Variants in GRAMD4 observed in about 807,000 individuals in gnomAD.
The protein encoded by GRAMD4 is GRAM domain-containing protein 4.
In GRAMD4, 25 loss-of-function variants were observed where a neutral mutation model predicts 83.9. That is an observed-to-expected ratio of 0.30 (90% CI 0.22 to 0.42). The LOEUF (loss-of-function observed/expected upper bound fraction) is 0.42, where lower values mean the gene tolerates loss of function less well. Among genes scored for constraint, GRAMD4 ranks in the 10% least tolerant of loss-of-function variants. The pLI is 1.00. For synonymous variants in GRAMD4, 336 were observed against 320.9 expected (o/e 1.05, Z -0.50); for missense variants, 593 against 788.7 (o/e 0.75, Z 2.97).
rs978266229 is a variant in GRAMD4 at position 46,622,780 on chromosome 22, C to T, written c.-50+2215C>T. ...TACAAAAAATTAGCTGGTGTGGTGGCGGGTGCCTGTAGTCCCAGCTACTCG... is the reference window on the plus strand; with the variant it reads ...TACAAAAAATTAGCTGGTGTGGTGGTGGGTGCCTGTAGTCCCAGCTACTCG... On this transcript the variant is annotated intron_variant, in intron 1 of 18. Coordinates refer to ENST00000406902, the MANE Select transcript of GRAMD4 (RefSeq NM_015124.5). The surrounding 1 kb of genome is among the most constrained non-coding windows in gnomAD (Gnocchi z 4.0). Among the ~76,000 whole-genome samples, 2 of 151,858 alleles carry T rather than the reference C, an allele frequency of 1.3e-5. No homozygotes were observed. Among genetic ancestry groups the T allele is most frequent in the Admixed American group, 6.6e-5 (1 of 15,230 alleles).
chr22:46,664,118 G>A lies in GRAMD4; in HGVS notation c.717+1G>A. 3 of 1,605,452 alleles carry A rather than the reference G, an allele frequency of 1.9e-6. No homozygotes were observed. The highest frequency in any genetic ancestry group is 2.6e-6 in the Non-Finnish European group (3 of 1,172,698). On this transcript the variant is annotated splice_donor_variant, in intron 8 of 18. Transcript: ENST00000406902. LOFTEE classifies it high-confidence loss of function. ...CTACACGTCTGCCATTGCCTTCACC[G>A]TGAGTGGGTCCTCCAGGGGCCGAGC... is the stretch of plus-strand genomic sequence containing the variant.
chr22:46,623,929 A>C (rs2081615702), intron 1 of GRAMD4, among the ~76,000 whole-genome samples: 1 of 151,582 alleles, frequency 6.6e-6, no homozygotes, highest in Non-Finnish European at 1.5e-5. Flanking sequence ...TTGTAGGCGC[A>C]CATCACCTCG....
rs777082972 is a variant in GRAMD4 at position 46,672,838 on chromosome 22, C to G, written c.1085-5C>G. The stretch of plus-strand genomic sequence containing the variant: ...GATGGAGCAGGCTGTGTCCCCTGCC[C>G]TCAGGACTCTATGCTGGTATCAAGT... On this transcript the variant is annotated splice_region_variant and splice_polypyrimidine_tract_variant and intron_variant, in intron 13 of 18. Coordinates refer to ENST00000406902, the MANE Select transcript of GRAMD4 (RefSeq NM_015124.5). This position sits in a 1 kb window ranked among gnomAD's most constrained non-coding sequence, Gnocchi z 4.7. 2 of 1,610,520 alleles carry G rather than the reference C, an allele frequency of 1.2e-6. No homozygotes were observed. Among genetic ancestry groups the G allele is most frequent in the South Asian group, 1.1e-5 (1 of 90,918 alleles).
intron 10 of GRAMD4, among the ~76,000 whole-genome samples, chr22:46,667,135 C>T (rs1380583688): frequency 6.6e-6 from 1 of 152,246 alleles, no homozygotes; most frequent in Non-Finnish European, 1.5e-5. Flanking sequence ...CCAGGCTTCC[C>T]AGCTAGGATG....
chr22:46,616,087 CGTGTAGGTTCCCCCTT>C (rs1569262317), upstream of GRAMD4, among the ~76,000 whole-genome samples: 1 of 121,742 alleles, frequency 8.2e-6, no homozygotes, highest in Non-Finnish European at 1.7e-5. Flanking sequence ...TTCCCCCAAG[CGTGTAGGTTCCCCCTT>C]GTGTAGGTTC....
At chr22:46,588,509 G>A (rs1209215831) in intron 1 of GRAMD4, among the ~76,000 whole-genome samples, 1 of 152,212 alleles carries the variant, frequency 6.6e-6, no homozygotes, top group Admixed American at 6.5e-5. Context: ...GGGCAAGAGG[G>A]GAGCTGTGGC....
intron 1 of GRAMD4, among the ~76,000 whole-genome samples, chr22:46,602,168 C>T (rs1284227818): frequency 7.9e-5 from 12 of 152,214 alleles, no homozygotes; most frequent in African/African-American, 1.7e-4. Flanking sequence ...GTCATGAAAA[C>T]GATGCTGCCG....
intron 1 of GRAMD4, among the ~76,000 whole-genome samples, chr22:46,581,810 G>T (rs1021421797): frequency 2.6e-5 from 4 of 152,254 alleles, no homozygotes; most frequent in African/African-American, 9.6e-5. Context: ...ATGCACGGGG[G>T]TTGGGCGGAG....
At chr22:46,591,861 G>A (rs1333455608) in intron 1 of GRAMD4, among the ~76,000 whole-genome samples, 1 of 132,198 alleles carries the variant, frequency 7.6e-6, no homozygotes, top group Non-Finnish European at 1.6e-5. Context: ...AACCCAGAAA[G>A]GCCAACCCCC....
Position 46,668,785 on chromosome 22 carries a change from C to CCGT in GRAMD4, c.975-12_975-10dup. ...GCGGCGCCCGCCCGGCCTGAGCCTCCCGTCTCCTTCCAGCTTGTTCATGTG... is the reference window on the plus strand; with the variant it reads ...GCGGCGCCCGCCCGGCCTGAGCCTCCCGTCGTCTCCTTCCAGCTTGTTCATGTG... On this transcript the variant is annotated splice_polypyrimidine_tract_variant and intron_variant, in intron 12 of 18. Coordinates refer to ENST00000406902, the MANE Select transcript of GRAMD4 (RefSeq NM_015124.5). 7.2e-7 allele frequency: 1 copy of CCGT among 1,394,154 alleles called. No individual in the cohort carries two copies. Among genetic ancestry groups the CCGT allele is most frequent in the South Asian group, 1.1e-5 (1 of 88,238 alleles). 86.4% of individuals were successfully genotyped at this position (1,394,154 alleles called of 1,614,324 possible). A position where few individuals can be genotyped will look rare whatever the true frequency, so the allele number is the denominator to read the frequency against.
chr22:46,655,895 G>T (rs1386675257), intron 3 of GRAMD4, among the ~76,000 whole-genome samples: 1 of 152,246 alleles, frequency 6.6e-6, no homozygotes, highest in African/African-American at 2.4e-5. Context: ...GCTCTGCCTG[G>T]CCATGTCAGC....
intron 3 of GRAMD4, among the ~76,000 whole-genome samples, chr22:46,639,180 GTA>G (rs1491467751): frequency 2.8e-5 from 4 of 143,720 alleles, no homozygotes; most frequent in African/African-American, 7.8e-5. Context: ...GTGTGTGTGT[GTA>G]TGTACAGTGG....
At chr22:46,599,834 G>A (rs141856838) in intron 1 of GRAMD4, among the ~76,000 whole-genome samples, 3 of 152,036 alleles carry the variant, frequency 2.0e-5, no homozygotes, top group South Asian at 4.2e-4. Context: ...GAGCAAAGGC[G>A]TGTTGTGAGG....
intron 3 of GRAMD4, among the ~76,000 whole-genome samples, chr22:46,655,988 G>T (rs1461044295): frequency 6.6e-6 from 1 of 152,000 alleles, no homozygotes. Context: ...GGGCGGGGAG[G>T]GGGAGCTCTG....
chr22:46,664,290 C>G (rs1424768848), intron 8 of GRAMD4, among the ~76,000 whole-genome samples, 173 bp downstream of exon 8: 1 of 152,236 alleles, frequency 6.6e-6, no homozygotes, highest in Non-Finnish European at 1.5e-5. Flanking sequence ...TGCCAGTGCC[C>G]AGCCATGGGG....
rs111921366 is a variant in GRAMD4, at chr22:46,603,683, T to G, written c.-49-23068T>G. Among the ~76,000 whole-genome samples, 10 of 150,788 alleles carry G rather than the reference T, an allele frequency of 6.6e-5. 1 individual carries two copies. The highest frequency in any genetic ancestry group is 2.4e-4 in the African/African-American group (10 of 41,030). ...AGGCGCCCACCACCACGCCTGGCTATTTTTTTGTATTTTTAGTAGAGACGG... is the reference window on the plus strand; with the variant it reads ...AGGCGCCCACCACCACGCCTGGCTAGTTTTTTGTATTTTTAGTAGAGACGG... On this transcript the variant is annotated intron_variant, in intron 1 of 1. Coordinates refer to the GRAMD4 transcript ENST00000431155.
At chr22:46,666,915 A>ATC (rs1421707188) in intron 10 of GRAMD4, 42 bp downstream of exon 10, 1 of 1,428,392 alleles carries the variant, frequency 7.0e-7, no homozygotes, top group South Asian at 1.3e-5. Context: ...GACTGTCTCC[A>ATC]TCACGTCAGG....
chr22:46,605,603 C>T (rs533679211), intron 1 of GRAMD4, among the ~76,000 whole-genome samples: 2 of 152,396 alleles, frequency 1.3e-5, no homozygotes, highest in East Asian at 1.9e-4. Context: ...CCCATTCTCG[C>T]CAACACTTGT....
upstream of GRAMD4, among the ~76,000 whole-genome samples, chr22:46,576,596 T>G (rs2081044057): frequency 6.6e-6 from 1 of 152,164 alleles, no homozygotes; most frequent in Admixed American, 6.5e-5. Context: ...CTAGCGGGGT[T>G]CGTGCTGCGT....
Sources: gnomAD v4.1 joint callset for allele counts (sites outside exome capture counted in the v4.1 genomes callset) on GRCh38, gnomAD v4.1.1 for gene constraint, Gnocchi (gnomAD v3.1) non-coding constraint, MANE v1.5 for transcripts, NCBI Gene and HGNC (gene_info 2026-07-23, HGNC 2026-07-21) for gene names.